The following VPS16 variants were observed in gnomAD, a reference collection of about 807,000 sequenced individuals.
VPS16 encodes vacuolar protein sorting-associated protein 16 homolog.
Under a neutral mutation model 116.0 loss-of-function variants are expected in VPS16, and 82 were observed. The observed-to-expected ratio is 0.71, with a 90% CI of 0.59 to 0.85. The LOEUF (loss-of-function observed/expected upper bound fraction) is 0.85. Ranked by LOEUF, VPS16 falls within the 40% of genes least tolerant of loss-of-function variation. The pLI, the probability that VPS16 is intolerant of heterozygous loss-of-function variation, is 0.00. For missense variants in VPS16, 928 were observed against 1,090.6 expected (o/e 0.85, Z 2.10); for synonymous variants, 406 against 420.7 (o/e 0.96, Z 0.43).
chr20:2,862,179 C>T, intron 11 of VPS16, 49 bp downstream of exon 11: 1 of 1,576,634 alleles, frequency 6.3e-7, no homozygotes, highest in Non-Finnish European at 8.6e-7. Flanking sequence ...CCTCCTGCCC[C>T]TGCGTGGGCA....
intron 1 of VPS16, among the ~76,000 whole-genome samples, chr20:2,858,534 T>A (rs865846062): frequency 6.6e-6 from 1 of 152,146 alleles, no homozygotes; most frequent in African/African-American, 2.4e-5. Flanking sequence ...AACAAGGATG[T>A]CAAATAGTAG....
rs752589076 is a variant in VPS16 at position 2,865,185 on chromosome 20, G to C, written c.2042G>C (p.Arg681Pro). 1.9e-6 allele frequency: 3 copies of C among 1,614,158 alleles called. No homozygotes were observed. The African/African-American group carries it at 4.0e-5, about 22-fold the overall frequency. ...CAAATGCGGCTCCTACGGCTGCAGC[G>C]GCGCCTAGAAGACGAGCTGGGGGGC... Reference protein sequence around the residue: ...EDQMRLLRLQRRLEDELGGQF... With the variant: ...EDQMRLLRLQPRLEDELGGQF... The change falls in exon 21 of 24, where the codon CGG becomes CCG. Residue 681 changes from arginine (R) to proline (P), a missense_variant. Transcript: ENST00000380445. The surrounding 1 kb of genome is among the most constrained non-coding windows in gnomAD (Gnocchi z 5.2).
intron 1 of VPS16, among the ~76,000 whole-genome samples, chr20:2,842,127 A>G (rs1203256840): frequency 2.0e-5 from 3 of 152,144 alleles, no homozygotes; most frequent in Non-Finnish European, 4.4e-5. Flanking sequence ...ATAATTGCCC[A>G]TTAAAGTTTT....
At chr20:2,856,591 C>T (rs1291519190) in intron 1 of VPS16, among the ~76,000 whole-genome samples, 1 of 152,184 alleles carries the variant, frequency 6.6e-6, no homozygotes, top group Non-Finnish European at 1.5e-5. Context: ...TACCACCCTC[C>T]CCAAAGGTAA....
intron 1 of VPS16, among the ~76,000 whole-genome samples, chr20:2,845,695 G>C (rs1197028475): frequency 6.6e-6 from 1 of 151,824 alleles, no homozygotes; most frequent in Non-Finnish European, 1.5e-5. Flanking sequence ...GTATATTCAC[G>C]TTGTTGTGCA....
intron 1 of VPS16, among the ~76,000 whole-genome samples, chr20:2,853,463 TC>T (rs2089141583): frequency 6.6e-6 from 1 of 152,072 alleles, no homozygotes; most frequent in South Asian, 2.1e-4. Context: ...CCTTATTTGT[TC>T]AAGTGCTGAG....
rs754228543 is a variant in VPS16, at chr20:2,865,275, G to A, written c.2132G>A (p.Arg711His). 111 of 1,613,990 alleles carry A rather than the reference G, an allele frequency of 6.9e-5. No homozygotes were observed. Among genetic ancestry groups the A allele is most frequent in the African/African-American group, 9.3e-5 (7 of 74,898 alleles). Residue 711 changes from arginine to histidine, a missense_variant, in exon 21 of 24, where the codon CGT (arginine) becomes CAT (histidine). Transcript: ENST00000380445. The surrounding 1 kb of genome is among the most constrained non-coding windows in gnomAD (Gnocchi z 5.2). Reference protein sequence around the residue: ...TTLILGGHNKRAEQLARDFRI... With the variant: ...TTLILGGHNKHAEQLARDFRI... ...CTCATTCTTGGCGGTCACAACAAGC[G>A]TGCAGAGCAGCTGGCACGTGACTTC...
chr20:2,863,091 T>C lies in VPS16; in HGVS notation c.1358T>C (p.Leu453Pro), dbSNP rs745597644. The C allele has an allele frequency of 6.2e-7, 1 of 1,613,928 alleles. No individual in the cohort carries two copies. The highest frequency in any genetic ancestry group is 1.1e-5 in the South Asian group (1 of 91,078). The change falls in exon 14 of 24, where the codon CTG becomes CCG. Residue 453 changes from leucine (L) to proline (P), a missense_variant. Leu to Pro is a moderately conservative substitution (Grantham distance 98). Coordinates refer to ENST00000380445, the MANE Select transcript of VPS16 (RefSeq NM_022575.4). This position sits in a 1 kb window ranked among gnomAD's most constrained non-coding sequence, Gnocchi z 4.4. Reference protein sequence around the residue: ...SQYKQLTIQVLLDRLVLRRLY... With the variant: ...SQYKQLTIQVPLDRLVLRRLY... ...TATAAGCAGCTCACCATCCAGGTGC[T>C]GCTGGACAGGTAGGGTAAGCCCAAG...
chr20:2,856,268 G>T (rs745909929), intron 1 of VPS16, among the ~76,000 whole-genome samples: 1 of 152,106 alleles, frequency 6.6e-6, no homozygotes, highest in Non-Finnish European at 1.5e-5. Context: ...ACATTTATCC[G>T]TTAAGCTCAC....
intron 2 of VPS16, 54 bp downstream of exon 2, chr20:2,859,861 T>G: frequency 6.4e-7 from 1 of 1,565,870 alleles, no homozygotes; most frequent in Non-Finnish European, 8.7e-7. Flanking sequence ...GAACTCAAGG[T>G]CCTTGATTCC....
chr20:2,862,379 C>T (rs955751727), intron 11 of VPS16, 200 bp from the exon 12 acceptor site: 75 of 1,202,250 alleles, frequency 6.2e-5, no homozygotes, highest in Non-Finnish European at 8.3e-5. Flanking sequence ...TCTCAAGGCC[C>T]CCCTAAAGGC....
At chr20:2,847,134 G>C (rs568904692) in intron 1 of VPS16, among the ~76,000 whole-genome samples, 2 of 152,246 alleles carry the variant, frequency 1.3e-5, no homozygotes, top group South Asian at 2.1e-4. Context: ...TACCTCTAAG[G>C]CTTCAGGAGG....
chr20:2,849,043 C>T (rs114962805), intron 1 of VPS16, among the ~76,000 whole-genome samples: 3,589 of 152,286 alleles, frequency 0.024, 84 homozygotes, highest in African/African-American at 0.058. Context: ...AAAAGCTAGT[C>T]TCCTTGGAGA....
At chr20:2,844,972 C>A (rs2089043823) in intron 1 of VPS16, among the ~76,000 whole-genome samples, 1 of 150,576 alleles carries the variant, frequency 6.6e-6, no homozygotes, top group African/African-American at 2.5e-5. Context: ...ATTAAAGGAT[C>A]TTAACAAAAG....
rs2089004140 is a variant in VPS16 at position 2,842,748 on chromosome 20, A to ATATAGATACATCTG, written c.53+1921_53+1922insTATAGATACATCTG. On this transcript the variant is annotated intron_variant, in intron 1 of 23. Transcript: ENST00000380445. ...GATGTATCTATCTATAGATACATAT[A>ATATAGATACATCTG]GATGTATCTATCTATAGATAGACAT... Among the ~76,000 whole-genome samples the ATATAGATACATCTG allele has an allele frequency of 3.8e-4, 40 of 106,372 alleles. 4 individuals carry two copies. The highest frequency in any genetic ancestry group is 6.1e-4 in the Non-Finnish European group (31 of 50,952). The allele number at this position is 106,372 out of a possible 152,430, so 69.8% of individuals were successfully genotyped here.
chr20:2,862,570 C>T lies in VPS16; in HGVS notation c.1072-9C>T, dbSNP rs1568628270. On this transcript the variant is annotated splice_polypyrimidine_tract_variant and intron_variant, in intron 11 of 23. Coordinates refer to ENST00000380445, the MANE Select transcript of VPS16 (RefSeq NM_022575.4). Reference sequence around the variant, plus strand: ...CATGATGCCCTGGCTCTGGACTGCTCCCCACCAGAAAGAGAGCCAGAAGGC... The same window carrying T: ...CATGATGCCCTGGCTCTGGACTGCTTCCCACCAGAAAGAGAGCCAGAAGGC... The T allele has an allele frequency of 1.2e-6, 2 of 1,612,142 alleles. No individual in the cohort carries two copies. The highest frequency in any genetic ancestry group is 2.2e-5 in the East Asian group (1 of 44,870).
At chr20:2,861,959 G>A in intron 10 of VPS16, 60 bp downstream of exon 10, 1 of 1,605,446 alleles carries the variant, frequency 6.2e-7, no homozygotes, top group Non-Finnish European at 8.5e-7. Context: ...CACCCCAGCT[G>A]CCCTGGGCCA....
chr20:2,851,130 G>A (rs2089116132), intron 1 of VPS16, among the ~76,000 whole-genome samples: 1 of 152,192 alleles, frequency 6.6e-6, no homozygotes, highest in Admixed American at 6.5e-5. Context: ...CCCACTGGAT[G>A]GCAGAGAAGT....
intron 1 of VPS16, among the ~76,000 whole-genome samples, chr20:2,853,955 G>A (rs913001272): frequency 2.6e-5 from 4 of 152,020 alleles, no homozygotes; most frequent in African/African-American, 9.7e-5. Flanking sequence ...TTACAGGTGT[G>A]AGCCACCGTG....
Sources: gnomAD v4.1 joint callset for allele counts (sites outside exome capture counted in the v4.1 genomes callset) on GRCh38, gnomAD v4.1.1 for gene constraint, Gnocchi (gnomAD v3.1) non-coding constraint, MANE v1.5 for transcripts, NCBI Gene and HGNC (gene_info 2026-07-23, HGNC 2026-07-21) for gene names.